The following VPS53 variants were observed in gnomAD, a reference collection of about 807,000 sequenced individuals.
The protein encoded by VPS53 is VPS53 subunit of GARP complex, also known as vacuolar protein sorting-associated protein 53 homolog.
Under a neutral mutation model 107.0 loss-of-function variants are expected in VPS53, and 70 were observed. The ratio of observed to expected loss-of-function variants is 0.65; its 90% CI spans 0.54 to 0.80. The LOEUF is 0.80. Ranked by LOEUF, VPS53 falls within the 30% of genes least tolerant of loss-of-function variation. VPS53 has a pLI of 0.00. For missense variants in VPS53, 917 were observed against 1,049.4 expected (o/e 0.87, Z 1.74); for synonymous variants, 409 against 393.3 (o/e 1.04, Z -0.47).
chr17:691,555 C>T (rs1247102996), intron 4 of VPS53, among the ~76,000 whole-genome samples: 2 of 152,192 alleles, frequency 1.3e-5, no homozygotes, highest in Non-Finnish European at 1.5e-5. Context: ...GAGGTTTTAG[C>T]CACCTGTAGT....
intron 16 of VPS53, 193 bp downstream of exon 16, chr17:553,187 G>C (rs1481634940): frequency 9.5e-6 from 2 of 210,346 alleles, no homozygotes; most frequent in Non-Finnish European, 1.7e-5. Context: ...GTATATACGT[G>C]CCGCACGCTG....
At position 519,082 on chromosome 17, in the gene VPS53, G is replaced by T. The variant is rs1272068438; in HGVS notation, c.*46C>A. 1 of 1,454,480 alleles carries T rather than the reference G, an allele frequency of 6.9e-7. No individual in the cohort carries two copies. Among genetic ancestry groups the T allele is most frequent in the Non-Finnish European group, 9.1e-7 (1 of 1,099,048 alleles). 90.1% of individuals were successfully genotyped at this position (1,454,480 alleles called of 1,614,324 possible). ...GAGAGGTTGGGGGCTTCTGGGGAAC[G>T]GGCGCTGAGGGTCTCCAGCCAGGAG... On this transcript the variant is annotated 3_prime_UTR_variant, in exon 22 of 22. Coordinates refer to ENST00000437048, the MANE Select transcript of VPS53 (RefSeq NM_001128159.3). The surrounding 1 kb of genome is among the most constrained non-coding windows in gnomAD (Gnocchi z 5.0).
intron 11 of VPS53, among the ~76,000 whole-genome samples, chr17:620,302 G>T (rs1246466001): frequency 6.6e-6 from 1 of 152,186 alleles, no homozygotes; most frequent in African/African-American, 2.4e-5. Flanking sequence ...CCTGTCTAAA[G>T]ACCAGCCCGA....
intron 7 of VPS53, among the ~76,000 whole-genome samples, chr17:645,690 G>C (rs1970657341): frequency 6.6e-6 from 1 of 152,224 alleles, no homozygotes; most frequent in Admixed American, 6.5e-5. Flanking sequence ...TCCCTATGCT[G>C]GTTTCTGCCA....
chr17:624,978 C>G (rs2143036654), intron 10 of VPS53, among the ~76,000 whole-genome samples: 1 of 120,622 alleles, frequency 8.3e-6, no homozygotes, highest in South Asian at 3.2e-4. Flanking sequence ...CCTTCCTTCT[C>G]TGTCTTTCTC....
At chr17:615,271 G>A (rs1021211331) in intron 11 of VPS53, among the ~76,000 whole-genome samples, 1 of 152,248 alleles carries the variant, frequency 6.6e-6, no homozygotes, top group African/African-American at 2.4e-5. Context: ...CAACAAGCCT[G>A]TCCCTGAGGC....
chr17:553,485 G>T (rs765210440), intron 15 of VPS53, 23 bp from the exon 16 acceptor site: 1 of 1,553,396 alleles, frequency 6.4e-7, no homozygotes, highest in Non-Finnish European at 8.9e-7. Context: ...AGAAGAAATG[G>T]ATGCACGGTT....
chr17:667,662 G>A (rs1309098801), intron 4 of VPS53, among the ~76,000 whole-genome samples: 1 of 139,334 alleles, frequency 7.2e-6, no homozygotes, highest in South Asian at 2.7e-4. Flanking sequence ...TTCTGGGGGG[G>A]GGGGCAATGG....
intron 12 of VPS53, among the ~76,000 whole-genome samples, chr17:594,654 A>G (rs879141528): frequency 2.8e-4 from 28 of 100,152 alleles, no homozygotes; most frequent in African/African-American, 5.5e-4. Flanking sequence ...CAATTTCCTG[A>G]TTTGATGATG....
At position 650,105 on chromosome 17, in the gene VPS53, A is replaced by T. The variant is rs1245439599; in HGVS notation, c.608+3186T>A. Reference sequence around the variant, plus strand: ...TCACGTAACAAGAATTCCACAAGGAAAGAATGCAGAGACCAAGTTGTAGAG... The same window carrying T: ...TCACGTAACAAGAATTCCACAAGGATAGAATGCAGAGACCAAGTTGTAGAG... On this transcript the variant is annotated intron_variant, in intron 7 of 21. Transcript: ENST00000437048. 2.0e-5 allele frequency among the ~76,000 whole-genome samples: 3 copies of T among 152,244 alleles called. No individual in the cohort carries two copies. In the East Asian group the frequency reaches 5.8e-4, roughly 29 times the overall value.
rs548899843 is a variant in VPS53 at position 624,934 on chromosome 17, GCCCTCCCTCCCTCCCT to G, written c.975-1276_975-1261del. ...CTTTCTTTCTTTTTCCCTTCCACTC[GCCCTCCCTCCCTCCCT>G]CCCTCCCTTCCTCACTTCCTTCCTT... is the stretch of plus-strand genomic sequence containing the variant. On this transcript the variant is annotated intron_variant, in intron 10 of 21. Coordinates refer to ENST00000437048, the MANE Select transcript of VPS53 (RefSeq NM_001128159.3). 3.7e-5 allele frequency among the ~76,000 whole-genome samples: 5 copies of G among 135,320 alleles called. No homozygotes were observed. The South Asian group carries it at 9.7e-4, about 26-fold the overall frequency. The allele number at this position is 135,320 out of a possible 152,430, so 88.8% of individuals were successfully genotyped here. A position where few individuals can be genotyped will look rare whatever the true frequency, so the allele number is the denominator to read the frequency against.
chr17:573,299 G>T (rs983818852), intron 13 of VPS53, among the ~76,000 whole-genome samples: 2 of 152,194 alleles, frequency 1.3e-5, no homozygotes, highest in Non-Finnish European at 2.9e-5. Flanking sequence ...CCTCCTCTTT[G>T]AACATAAATA....
chr17:607,717 TC>T (rs763809687), intron 11 of VPS53, among the ~76,000 whole-genome samples: 2 of 152,218 alleles, frequency 1.3e-5, no homozygotes, highest in Non-Finnish European at 2.9e-5. Context: ...AAGAATTCAT[TC>T]TTTTTGCTAT....
chr17:643,444 G>GAGGACAACACTCATACTTGGAAATCA (rs1333681896), intron 7 of VPS53, among the ~76,000 whole-genome samples: 4 of 148,952 alleles, frequency 2.7e-5, no homozygotes, highest in East Asian at 4.0e-4. Context: ...CTTGGAAAGC[G>GAGGACAACACTCATACTTGGAAATCA]AGGACAACAC....
intron 4 of VPS53, among the ~76,000 whole-genome samples, chr17:678,291 G>A (rs575784826): frequency 2.0e-3 from 310 of 151,462 alleles, no homozygotes; most frequent in African/African-American, 6.8e-3. Flanking sequence ...ACATGGTGGC[G>A]GGCACCTGTA....
In VPS53 at chr17:519,037, G is replaced by C; in HGVS notation, c.*91C>G. On this transcript the variant is annotated 3_prime_UTR_variant, in exon 22 of 22. Transcript: ENST00000437048. The surrounding 1 kb of genome is among the most constrained non-coding windows in gnomAD (Gnocchi z 5.0). The stretch of plus-strand genomic sequence containing the variant: ...CAGGAAGTTTGAAGACCGACGATGT[G>C]AGAGTGCCGGGGAGCACAGGAGAGG... The C allele has an allele frequency of 7.4e-7, 1 of 1,353,936 alleles. No individual in the cohort carries two copies. Among genetic ancestry groups the C allele is most frequent in the South Asian group, 1.6e-5 (1 of 62,728 alleles). The allele number at this position is 1,353,936 out of a possible 1,614,324, so 83.9% of individuals were successfully genotyped here.
chr17:563,082 C>T (rs1022610772), intron 13 of VPS53, among the ~76,000 whole-genome samples: 1 of 152,112 alleles, frequency 6.6e-6, no homozygotes, highest in African/African-American at 2.4e-5. Flanking sequence ...AAAATTAAGT[C>T]CTAGAAAGTT....
intron 19 of VPS53, among the ~76,000 whole-genome samples, chr17:525,996 C>CAAA (rs10677094): frequency 0.017 from 1,302 of 74,404 alleles, 39 homozygotes; most frequent in East Asian, 0.057. Context: ...GACATTTTCT[C>CAAA]AAAAAAAAAA....
chr17:548,236 G>A (rs531051568), intron 17 of VPS53, among the ~76,000 whole-genome samples: 125 of 152,350 alleles, frequency 8.2e-4, no homozygotes, highest in Admixed American at 1.3e-3. Context: ...GAGGCCATGG[G>A]ATGCCTTCCA....
Sources: allele counts gnomAD v4.1 joint callset (sites outside exome capture counted in the v4.1 genomes callset), GRCh38; gene constraint gnomAD v4.1.1; non-coding constraint Gnocchi (gnomAD v3.1); transcripts MANE v1.5; gene names NCBI Gene and HGNC (gene_info 2026-07-23, HGNC 2026-07-21).